The following RMDN2 variants were observed in gnomAD, a reference collection of about 807,000 sequenced individuals.
RMDN2 encodes regulator of microtubule dynamics protein 2.
Under a neutral mutation model 52.8 loss-of-function variants are expected in RMDN2, and 61 were observed. The observed-to-expected ratio is 1.16, with a 90% CI of 0.94 to 1.43. RMDN2 has a LOEUF of 1.43. Among genes scored for constraint, RMDN2 ranks in the 40% most tolerant of loss-of-function variants. The pLI is 0.00. For missense variants in RMDN2, 592 were observed against 475.3 expected (o/e 1.25, Z -2.28); for synonymous variants, 180 against 153.1 (o/e 1.18, Z -1.30).
chr2:37,941,326 G>T lies in RMDN2; in HGVS notation c.452+11597G>T, dbSNP rs563259416. On this transcript the variant is annotated intron_variant, in intron 2 of 10. Transcript: ENST00000354545. ...TGGAGCTCTCCTGTGCGAGATGTCT[G>T]TTGACCCCTGCTGGGAGGTGTCTCC... 1.9e-4 allele frequency among the ~76,000 whole-genome samples: 29 copies of T among 152,332 alleles called. No homozygotes were observed. The East Asian group carries it at 4.4e-3, about 23-fold the overall frequency.
intron 6 of RMDN2, among the ~76,000 whole-genome samples, chr2:37,990,469 T>C (rs1007444598): frequency 1.6e-5 from 2 of 125,754 alleles, no homozygotes; most frequent in African/African-American, 3.1e-5. Context: ...CAGTGAGCCA[T>C]GATCATGCCA....
Position 37,929,458 on chromosome 2 carries a change from G to T in RMDN2, c.181G>T (p.Asp61Tyr). 1.9e-6 allele frequency: 3 copies of T among 1,551,588 alleles called. No homozygotes were observed. The highest frequency in any genetic ancestry group is 2.6e-6 in the Non-Finnish European group (3 of 1,146,936). The stretch of plus-strand genomic sequence containing the variant: ...AACTTTGCAAGATGAAATACATGAT[G>T]ACCAAGGAACAACAGTAATCTTTCA... ...SITLQDEIHD[D>Y]QGTTVIFQER... The change falls in exon 2 of 11, where the codon GAC (aspartate) becomes TAC (tyrosine). Residue 61 changes from aspartate (D) to tyrosine (Y), a missense_variant. By Grantham distance (160) the Asp-to-Tyr change is radical. Coordinates refer to ENST00000354545, the MANE Select transcript of RMDN2 (RefSeq NM_001170791.3).
intron 7 of RMDN2, among the ~76,000 whole-genome samples, chr2:37,994,807 A>T (rs1675285687): frequency 6.6e-6 from 1 of 152,240 alleles, no homozygotes; most frequent in African/African-American, 2.4e-5. Context: ...AAATAAAAAT[A>T]TATGCTCACA....
At chr2:38,014,207 C>T (rs551275283) in intron 10 of RMDN2, among the ~76,000 whole-genome samples, 6 of 151,300 alleles carry the variant, frequency 4.0e-5, no homozygotes, top group South Asian at 4.2e-4. Context: ...AGTGAAACTC[C>T]GTCGCAAAAA....
intron 10 of RMDN2, among the ~76,000 whole-genome samples, chr2:38,044,443 T>C: frequency 6.6e-6 from 1 of 152,096 alleles, no homozygotes; most frequent in East Asian, 1.9e-4. Flanking sequence ...AACAGTTCAG[T>C]CATTAGTACT....
At chr2:38,004,409 A>G (rs540640855) in intron 10 of RMDN2, among the ~76,000 whole-genome samples, 193 bp downstream of exon 10, 3 of 152,386 alleles carry the variant, frequency 2.0e-5, no homozygotes, top group South Asian at 2.1e-4. Context: ...AGACATATAC[A>G]TTATGAAATG....
At chr2:38,039,093 C>CAGAGAGAG (rs149752868) in intron 10 of RMDN2, among the ~76,000 whole-genome samples, 42 of 91,690 alleles carry the variant, frequency 4.6e-4, no homozygotes, top group African/African-American at 1.1e-3. Context: ...CACACACACA[C>CAGAGAGAG]AGAGAGAGAG....
intron 7 of RMDN2, among the ~76,000 whole-genome samples, chr2:37,994,873 A>T (rs967940350): frequency 1.3e-5 from 2 of 152,090 alleles, no homozygotes; most frequent in African/African-American, 4.8e-5. Flanking sequence ...AACATGCATG[A>T]CTCTTCAAAG....
At chr2:38,026,582 A>G (rs1399631181) in intron 10 of RMDN2, among the ~76,000 whole-genome samples, 3 of 151,966 alleles carry the variant, frequency 2.0e-5, no homozygotes, top group Non-Finnish European at 4.4e-5. Flanking sequence ...CATTGATATA[A>G]GACTTTACTT....
At chr2:37,993,870 G>T (rs72901016) in intron 7 of RMDN2, among the ~76,000 whole-genome samples, 17,211 of 151,830 alleles carry the variant, frequency 0.11, 1,359 homozygotes, top group African/African-American at 0.22. Flanking sequence ...TTGAAAGGAG[G>T]AAACGCTGCT....
At chr2:37,933,263 G>T (rs1666992106) in intron 2 of RMDN2, among the ~76,000 whole-genome samples, 1 of 151,930 alleles carries the variant, frequency 6.6e-6, no homozygotes, top group Non-Finnish European at 1.5e-5. Flanking sequence ...TGGCGGCCGG[G>T]CAGAGACGCT....
At chr2:37,953,070 T>G (rs911967156) in intron 2 of RMDN2, 1 of 152,018 alleles carries the variant, frequency 6.6e-6, no homozygotes, top group Admixed American at 6.6e-5. Context: ...ATTATCCTAA[T>G]AAAATGTCCC....
chr2:37,938,058 T>A (rs146351764), intron 2 of RMDN2, among the ~76,000 whole-genome samples: 4,371 of 152,284 alleles, frequency 0.029, 196 homozygotes, highest in African/African-American at 0.099. Flanking sequence ...TTTTCAGATA[T>A]GTTCCATCAA....
rs370225516 is a variant in RMDN2, at chr2:38,013,632, T to G, written c.1180-3554T>G. 3.0e-4 allele frequency among the ~76,000 whole-genome samples: 45 copies of G among 152,368 alleles called. No individual in the cohort carries two copies. In the South Asian group the frequency reaches 8.7e-3, roughly 29 times the overall value. On this transcript the variant is annotated intron_variant, in intron 10 of 10. Coordinates refer to ENST00000354545, the MANE Select transcript of RMDN2 (RefSeq NM_001170791.3). Reference sequence around the variant, plus strand: ...AAAATCCTAATTCTGCTTTAAATGCTCTTTCTTAATTAAGATATCATATTT... The same window carrying G: ...AAAATCCTAATTCTGCTTTAAATGCGCTTTCTTAATTAAGATATCATATTT...
intron 7 of RMDN2, among the ~76,000 whole-genome samples, chr2:37,991,954 C>T (rs952808172): frequency 2.6e-5 from 4 of 152,190 alleles, no homozygotes; most frequent in African/African-American, 9.6e-5. Context: ...AAGGACAATG[C>T]CATTTTTGAA....
chr2:38,033,575 G>T (rs1680365561), intron 10 of RMDN2, among the ~76,000 whole-genome samples: 2 of 152,256 alleles, frequency 1.3e-5, no homozygotes, highest in Middle Eastern at 3.4e-3. Context: ...TATATTTTTT[G>T]AATTGTTATC....
intron 10 of RMDN2, among the ~76,000 whole-genome samples, chr2:38,041,115 G>A (rs932656947): frequency 2.6e-5 from 4 of 152,044 alleles, no homozygotes; most frequent in Admixed American, 6.5e-5. Flanking sequence ...TCATTTTGGG[G>A]GGTTTTCTAC....
At chr2:37,932,808 G>T (rs1666905573) in intron 2 of RMDN2, among the ~76,000 whole-genome samples, 1 of 130,600 alleles carries the variant, frequency 7.7e-6, no homozygotes, top group East Asian at 2.3e-4. Context: ...GGCTGGCTGG[G>T]CGGGGGGCTG....
At chr2:37,995,134 T>C (rs1675338402) in intron 7 of RMDN2, among the ~76,000 whole-genome samples, 1 of 152,188 alleles carries the variant, frequency 6.6e-6, no homozygotes, top group Admixed American at 6.5e-5. Flanking sequence ...GGAAATTTTA[T>C]TTTATATAGA....
Sources: allele counts gnomAD v4.1 joint callset (sites outside exome capture counted in the v4.1 genomes callset), GRCh38; gene constraint gnomAD v4.1.1; transcripts MANE v1.5; gene names NCBI Gene and HGNC (gene_info 2026-07-23, HGNC 2026-07-21).